TUT7: variants seen among roughly 807,000 people sequenced by gnomAD.
TUT7 encodes terminal uridylyl transferase 7, also known as terminal uridylyltransferase 7.
Under a neutral mutation model 165.9 loss-of-function variants are expected in TUT7, and 33 were observed. The observed-to-expected ratio is 0.20, with a 90% confidence interval of 0.15 to 0.27. The LOEUF is 0.27. Among genes scored for constraint, TUT7 ranks in the 10% least tolerant of loss-of-function variants. The pLI, the probability that TUT7 is intolerant of heterozygous loss-of-function variation, is 1.00. For synonymous variants in TUT7, 552 were observed against 608.1 expected (o/e 0.91, Z 1.36); for missense variants, 1,338 against 1,762.3 (o/e 0.76, Z 4.31).
chr9:86,337,279 G>T, intron 10 of TUT7, 140 bp downstream of exon 10: 1 of 924,466 alleles, frequency 1.1e-6, no homozygotes, highest in Non-Finnish European at 1.6e-6. Context: ...GCAGTGAAAG[G>T]TATGAATATT....
At position 86,311,771 on chromosome 9, in the gene TUT7, C is replaced by T. The variant is rs1322270401; in HGVS notation, c.3275-962G>A. 1.3e-5 allele frequency among the ~76,000 whole-genome samples: 2 copies of T among 152,200 alleles called. No individual in the cohort carries two copies. The highest frequency in any genetic ancestry group is 6.5e-5 in the Admixed American group (1 of 15,286). On this transcript the variant is annotated intron_variant, in intron 17 of 26. Coordinates refer to ENST00000375963, the MANE Select transcript of TUT7 (RefSeq NM_024617.4). This position sits in a 1 kb window ranked among gnomAD's most constrained non-coding sequence, Gnocchi z 4.4. ...AGTGCCTGCGATTGCAGGTGCGCGC[C>T]GCCACGCCTGACTGGTTTTCGTATT...
At chr9:86,338,670 C>T (rs568589721) in intron 9 of TUT7, among the ~76,000 whole-genome samples, 153 bp downstream of exon 9, 3 of 152,126 alleles carry the variant, frequency 2.0e-5, no homozygotes, top group Non-Finnish European at 2.9e-5. Context: ...CTGAATCTTC[C>T]GTCTGTACGT....
intron 16 of TUT7, among the ~76,000 whole-genome samples, chr9:86,317,768 C>A (rs956252220): frequency 8.5e-5 from 13 of 152,112 alleles, no homozygotes; most frequent in African/African-American, 2.9e-4. Flanking sequence ...ATGCATATAA[C>A]TAAAGTCATA....
chr9:86,319,177 T>A, intron 15 of TUT7, 119 bp from the exon 16 acceptor site: 1 of 644,046 alleles, frequency 1.6e-6, no homozygotes, highest in Non-Finnish European at 2.6e-6. Context: ...ATTAATCTCA[T>A]ACTTATGTTC....
At chr9:86,314,125 C>T (rs755345859) in intron 17 of TUT7, among the ~76,000 whole-genome samples, 1 of 152,140 alleles carries the variant, frequency 6.6e-6, no homozygotes, top group African/African-American at 2.4e-5. Flanking sequence ...GATTGCACAG[C>T]CAGCAAGGGG....
chr9:86,347,495 A>G (rs968370108), intron 2 of TUT7, among the ~76,000 whole-genome samples: 2 of 152,186 alleles, frequency 1.3e-5, no homozygotes, highest in Admixed American at 1.3e-4. Context: ...AGAGGAACTC[A>G]TTACTACTAG....
chr9:86,332,472 A>C (rs1830410653), intron 10 of TUT7, among the ~76,000 whole-genome samples: 1 of 152,168 alleles, frequency 6.6e-6, no homozygotes. Flanking sequence ...ACAAGTTCTC[A>C]CTTATAGGTG....
chr9:86,315,632 G>A (rs1828635975), intron 17 of TUT7, among the ~76,000 whole-genome samples: 1 of 152,088 alleles, frequency 6.6e-6, no homozygotes, highest in Non-Finnish European at 1.5e-5. Flanking sequence ...CAGTTTCTTT[G>A]CACGACCTTC....
At chr9:86,330,451 T>G (rs1450651514) in intron 10 of TUT7, among the ~76,000 whole-genome samples, 2 of 152,210 alleles carry the variant, frequency 1.3e-5, no homozygotes, top group African/African-American at 4.8e-5. Flanking sequence ...ACTGAACTAG[T>G]CTTCCACAGA....
chr9:86,305,277 A>G (rs1827358115), intron 22 of TUT7, 38 bp from the exon 23 acceptor site: 1 of 1,384,878 alleles, frequency 7.2e-7, no homozygotes, highest in South Asian at 1.3e-5. Flanking sequence ...AGGTAATCAA[A>G]TAGAAAATGC....
chr9:86,319,102 A>G, intron 15 of TUT7, 44 bp from the exon 16 acceptor site: 1 of 1,421,980 alleles, frequency 7.0e-7, no homozygotes, highest in Non-Finnish European at 9.8e-7. Context: ...ACCTGAGTAC[A>G]TTTAATTTTT....
rs1831705032 is a variant in TUT7 at position 86,345,810 on chromosome 9, G to C, written c.703-25C>G. The C allele has an allele frequency of 6.0e-6, 9 of 1,492,796 alleles. No individual in the cohort carries two copies. The East Asian group carries it at 2.0e-4, about 34-fold the overall frequency. The allele number at this position is 1,492,796 out of a possible 1,614,324, so 92.5% of individuals were successfully genotyped here. ...GCTATAATTTGAAGAGATTTATTTA[G>C]AGAGAGACATAAGTAAAACCAAACA... On this transcript the variant is annotated intron_variant, in intron 3 of 26. Transcript: ENST00000375963.
chr9:86,346,892 G>A (rs1285275101), intron 2 of TUT7, among the ~76,000 whole-genome samples: 1 of 152,024 alleles, frequency 6.6e-6, no homozygotes, highest in Non-Finnish European at 1.5e-5. Context: ...AAGTACACCT[G>A]TTATTCTCAT....
intron 26 of TUT7, 73 bp from the exon 27 acceptor site, chr9:86,288,817 ACTT>A (rs1363330574): frequency 4.1e-6 from 5 of 1,234,274 alleles, no homozygotes; most frequent in Middle Eastern, 2.2e-4. Flanking sequence ...CCATAAAATT[ACTT>A]CTTATTAAGT....
At chr9:86,320,200 TC>T (rs1829114617) in intron 14 of TUT7, among the ~76,000 whole-genome samples, 1 of 148,220 alleles carries the variant, frequency 6.7e-6, no homozygotes. Flanking sequence ...TGTATTTTTT[TC>T]CCTAAGGAGA....
rs11141343 is a variant in TUT7 at position 86,350,272 on chromosome 9, A to G, written c.520+2408T>C. On this transcript the variant is annotated intron_variant, in intron 2 of 26. Transcript: ENST00000375963. Reference sequence around the variant, plus strand: ...CTTGAACCTGGGAGATGGAGGTTGCAGTGAACCAAGATCGCACCACTGCAC... The same window carrying G: ...CTTGAACCTGGGAGATGGAGGTTGCGGTGAACCAAGATCGCACCACTGCAC... 9.0e-3 allele frequency among the ~76,000 whole-genome samples: 1,376 copies of G among 152,338 alleles called. 14 individuals are homozygous for G. The highest frequency in any genetic ancestry group is 0.014 in the Non-Finnish European group (932 of 68,038).
intron 10 of TUT7, among the ~76,000 whole-genome samples, chr9:86,333,592 A>C (rs1176026607): frequency 6.6e-6 from 1 of 152,132 alleles, no homozygotes; most frequent in Non-Finnish European, 1.5e-5. Flanking sequence ...TCTGCTTCTC[A>C]GCTTATATTA....
intron 11 of TUT7, among the ~76,000 whole-genome samples, chr9:86,327,550 T>C (rs543144980): frequency 1.3e-5 from 2 of 152,310 alleles, no homozygotes; most frequent in African/African-American, 2.4e-5. Flanking sequence ...CCACAGCCTA[T>C]ACTCTTCTCC....
Position 86,324,068 on chromosome 9 carries a change from TA to T in TUT7, c.1790-109del. The T allele has an allele frequency of 4.8e-6, 5 of 1,034,818 alleles. No homozygotes were observed. The South Asian group carries it at 8.7e-5, about 18-fold the overall frequency. The allele number at this position is 1,034,818 out of a possible 1,614,324, so 64.1% of individuals were successfully genotyped here. On this transcript the variant is annotated intron_variant, in intron 12 of 26. Coordinates refer to ENST00000375963, the MANE Select transcript of TUT7 (RefSeq NM_024617.4). ...GATAAAAACAGACAACAAACAATGG[TA>T]AAATTTATCTTGCATTTTATAGACT...
Sources: gnomAD v4.1 joint callset for allele counts (sites outside exome capture counted in the v4.1 genomes callset) on GRCh38, gnomAD v4.1.1 for gene constraint, Gnocchi (gnomAD v3.1) non-coding constraint, MANE v1.5 for transcripts, NCBI Gene and HGNC (gene_info 2026-07-23, HGNC 2026-07-21) for gene names.